TUNAR: variants seen among roughly 807,000 people sequenced by gnomAD.
TUNAR encodes the protein transmembrane neural differentiation associated intracellular calcium regulator.
chr14:95,914,558 G>A (rs1178470791), intron 2 of TUNAR, among the ~76,000 whole-genome samples: 1 of 152,166 alleles, frequency 6.6e-6, no homozygotes, highest in East Asian at 1.9e-4. Context: ...GCCTTCCCAG[G>A]AGAAGGGATC....
intron 2 of TUNAR, among the ~76,000 whole-genome samples, chr14:95,916,231 C>A (rs1889603062): frequency 6.6e-6 from 1 of 152,162 alleles, no homozygotes; most frequent in Admixed American, 6.5e-5. Flanking sequence ...TCCTCTCCAT[C>A]CTGTCCACTT....
chr14:95,921,687 C>A (rs965551083), intron 2 of TUNAR, among the ~76,000 whole-genome samples: 71 of 152,298 alleles, frequency 4.7e-4, no homozygotes, highest in East Asian at 2.5e-3. Context: ...TCCACTCTTG[C>A]CTGGAGAAAG....
intron 2 of TUNAR, among the ~76,000 whole-genome samples, chr14:95,909,916 T>C (rs749951): frequency 0.033 from 5,045 of 152,246 alleles, 185 homozygotes; most frequent in East Asian, 0.13. Flanking sequence ...CAGTAGTTCT[T>C]CAAGCCAGGA....
At chr14:95,899,840 A>G (rs1474515363) in intron 2 of TUNAR, among the ~76,000 whole-genome samples, 1 of 152,264 alleles carries the variant, frequency 6.6e-6, no homozygotes, top group African/African-American at 2.4e-5. Context: ...AGATTTCAAC[A>G]TATGAATTTT....
At chr14:95,908,916 G>A (rs947484223) in intron 2 of TUNAR, among the ~76,000 whole-genome samples, 5 of 152,158 alleles carry the variant, frequency 3.3e-5, no homozygotes, top group Admixed American at 6.5e-5. Flanking sequence ...TGGCAAGTGG[G>A]GTCCATGGCC....
intron 2 of TUNAR, among the ~76,000 whole-genome samples, chr14:95,893,970 A>G (rs1328866896): frequency 6.6e-6 from 1 of 152,270 alleles, no homozygotes; most frequent in African/African-American, 2.4e-5. Context: ...CCTGGCACCC[A>G]GAGCCACTCT....
intron 2 of TUNAR, among the ~76,000 whole-genome samples, chr14:95,913,388 A>C (rs1384362813): frequency 6.6e-6 from 1 of 150,394 alleles, no homozygotes; most frequent in African/African-American, 2.5e-5. Flanking sequence ...TCATTGTTCA[A>C]CTCCCACTTA....
intron 2 of TUNAR, among the ~76,000 whole-genome samples, chr14:95,904,998 C>T (rs1033913157): frequency 3.9e-5 from 6 of 152,218 alleles, no homozygotes; most frequent in Non-Finnish European, 7.3e-5. Flanking sequence ...CACTCCTTAG[C>T]CTCTGTTCCC....
Position 95,885,837 on chromosome 14 carries a change from A to G in TUNAR, c.12+8660A>G, listed in dbSNP as rs537511294. Among the ~76,000 whole-genome samples, 282 of 152,320 alleles carry G rather than the reference A, an allele frequency of 1.9e-3. 1 individual carries two copies. The highest frequency in any genetic ancestry group is 6.4e-3 in the African/African-American group (265 of 41,570). ...ATAGTGAAGATGTGTAAAACGTTCAAGAAGAAATACTGTGTGGGAATGAGC... is the reference window on the plus strand; with the variant it reads ...ATAGTGAAGATGTGTAAAACGTTCAGGAAGAAATACTGTGTGGGAATGAGC... On this transcript the variant is annotated intron_variant, in intron 2 of 2. Transcript: ENST00000678517.
intron 2 of TUNAR, among the ~76,000 whole-genome samples, chr14:95,878,488 GTC>G (rs1888925047): frequency 6.6e-6 from 1 of 152,174 alleles, no homozygotes; most frequent in Admixed American, 6.5e-5. Flanking sequence ...GGGCCTCTGT[GTC>G]TCTGTTAGTA....
chr14:95,910,411 A>G (rs75521255), intron 2 of TUNAR, among the ~76,000 whole-genome samples: 2,413 of 152,306 alleles, frequency 0.016, 29 homozygotes, highest in Middle Eastern at 0.031. Flanking sequence ...TGAGTGGGTG[A>G]ATGGATGGAG....
intron 2 of TUNAR, among the ~76,000 whole-genome samples, chr14:95,888,937 C>T (rs1333589971): frequency 3.3e-5 from 5 of 152,110 alleles, no homozygotes; most frequent in Admixed American, 6.5e-5. Flanking sequence ...AGTGGGGTGT[C>T]GGATCCCGAG....
intron 2 of TUNAR, among the ~76,000 whole-genome samples, chr14:95,883,185 C>T (rs1341860715): frequency 6.6e-6 from 1 of 152,238 alleles, no homozygotes; most frequent in Non-Finnish European, 1.5e-5. Context: ...AATGTTGAGA[C>T]TGTTCCTCTC....
chr14:95,903,581 A>T (rs902265157), intron 2 of TUNAR, among the ~76,000 whole-genome samples: 3 of 152,248 alleles, frequency 2.0e-5, no homozygotes, highest in Non-Finnish European at 4.4e-5. Context: ...ATTCATAAAA[A>T]GCCCTCTTTT....
chr14:95,893,827 C>T (rs1007413577), intron 2 of TUNAR, among the ~76,000 whole-genome samples: 6 of 152,352 alleles, frequency 3.9e-5, no homozygotes, highest in Admixed American at 3.9e-4. Context: ...TGCTCATGGA[C>T]ACTGCATTGT....
At chr14:95,898,823 A>G (rs943876576) in intron 2 of TUNAR, among the ~76,000 whole-genome samples, 8 of 152,116 alleles carry the variant, frequency 5.3e-5, no homozygotes, top group Non-Finnish European at 1.0e-4. Flanking sequence ...CTCTAAGGTC[A>G]GTTTTTGATT....
At chr14:95,915,436 C>T (rs919004058) in intron 2 of TUNAR, among the ~76,000 whole-genome samples, 36 of 152,214 alleles carry the variant, frequency 2.4e-4, no homozygotes, top group Admixed American at 2.0e-3. Flanking sequence ...CACCTGCTAT[C>T]ACCCTACCTA....
At chr14:95,880,137 C>T (rs976824022) in intron 2 of TUNAR, among the ~76,000 whole-genome samples, 8 of 152,100 alleles carry the variant, frequency 5.3e-5, no homozygotes, top group Admixed American at 2.6e-4. Flanking sequence ...TGGGTGTGTA[C>T]GTTTGCATGT....
chr14:95,902,216 C>A, intron 2 of TUNAR, among the ~76,000 whole-genome samples: 1 of 151,678 alleles, frequency 6.6e-6, no homozygotes. Flanking sequence ...TTTTTTTTAA[C>A]CCCTGTTAGT....
Sources: allele counts gnomAD v4.1 joint callset (sites outside exome capture counted in the v4.1 genomes callset), GRCh38; gene constraint gnomAD v4.1.1; transcripts MANE v1.5; gene names NCBI Gene and HGNC (gene_info 2026-07-23, HGNC 2026-07-21).